Variants in INTS8 observed in about 807,000 individuals in gnomAD.
The protein encoded by INTS8 is protein kaonashi-1.
Under a neutral mutation model 138.9 loss-of-function variants are expected in INTS8, and 47 were observed. The ratio of observed to expected loss-of-function variants is 0.34; its 90% confidence interval spans 0.27 to 0.43. The LOEUF is 0.43. Among genes scored for constraint, INTS8 ranks in the 20% least tolerant of loss-of-function variants. The pLI is 1.00. For missense variants in INTS8, 996 were observed against 1,173.0 expected (o/e 0.85, Z 2.20); for synonymous variants, 392 against 400.9 (o/e 0.98, Z 0.27).
At chr8:94,828,855 A>G (rs1414961055) in intron 4 of INTS8, 120 bp from the exon 5 acceptor site, 10 of 671,748 alleles carry the variant, frequency 1.5e-5, no homozygotes, top group South Asian at 1.4e-4. Flanking sequence ...ATGAAAATGA[A>G]TAACATTAAA....
intron 10 of INTS8, among the ~76,000 whole-genome samples, chr8:94,843,822 A>T (rs1050430630): frequency 1.3e-5 from 2 of 152,160 alleles, no homozygotes; most frequent in African/African-American, 2.4e-5. Context: ...GCTTATAACC[A>T]CCAGCATGCC....
At chr8:94,843,746 G>A (rs561110665) in intron 10 of INTS8, among the ~76,000 whole-genome samples, 5 of 152,016 alleles carry the variant, frequency 3.3e-5, no homozygotes, top group Admixed American at 6.6e-5. Flanking sequence ...GTGTGCATAC[G>A]TACCAGTTTA....
chr8:94,842,638 G>A (rs77168881), intron 10 of INTS8, 150 bp downstream of exon 10: 28,174 of 569,768 alleles, frequency 0.049, 944 homozygotes, highest in Middle Eastern at 0.068. Context: ...ATGCCCTTCC[G>A]CCTGGTCTTC....
chr8:94,849,442 A>C lies in INTS8; in HGVS notation c.1261-20A>C, dbSNP rs1433883612. On this transcript the variant is annotated intron_variant, in intron 10 of 26. Transcript: ENST00000523731. Reference sequence around the variant, plus strand: ...TTTTATAAGTACCCATATTCAAATGAAAATTACTCAAATTCCTAGGTATGT... The same window carrying C: ...TTTTATAAGTACCCATATTCAAATGCAAATTACTCAAATTCCTAGGTATGT... 7.7e-7 allele frequency: 1 copy of C among 1,302,086 alleles called. No homozygotes were observed. The highest frequency in any genetic ancestry group is 1.5e-5 in the African/African-American group (1 of 66,212). The allele number at this position is 1,302,086 out of a possible 1,614,324, so 80.7% of individuals were successfully genotyped here.
In INTS8 at chr8:94,866,170, T is replaced by C. The variant is rs1239758921; in HGVS notation, c.2274T>C (p.Leu758=). Residue 758 remains leucine, a synonymous_variant, in exon 18 of 27, where the codon CTT becomes CTC. Transcript: ENST00000523731. ...TTTTGTTTTGTAGGAGTGAACTGCT[T>C]TCTTTTATCAAAAAATTACGAGTAA... is the stretch of plus-strand genomic sequence containing the variant. ...TLGIMYRSEL[L]SFIKKLREPL... 1.5e-6 allele frequency: 2 copies of C among 1,304,334 alleles called. No individual in the cohort carries two copies. Among genetic ancestry groups the C allele is most frequent in the South Asian group, 1.3e-5 (1 of 76,808 alleles). 80.8% of individuals were successfully genotyped at this position (1,304,334 alleles called of 1,614,324 possible).
intron 10 of INTS8, among the ~76,000 whole-genome samples, chr8:94,843,292 G>A (rs1289714397): frequency 1.3e-5 from 2 of 152,108 alleles, no homozygotes; most frequent in Admixed American, 1.3e-4. Context: ...TAGAGCCTGG[G>A]TGCAGTGGCT....
chr8:94,865,636 A>T lies in INTS8; in HGVS notation c.2207A>T (p.Asp736Val), dbSNP rs1563666758. Residue 736 changes from aspartate (D) to valine (V), a missense_variant, in exon 17 of 27, where the codon GAT becomes GTT. By Grantham distance (152) the Asp-to-Val change is radical. Transcript: ENST00000523731. ...TCCAGTCAGCACAAACGAGGAAATG[A>T]TGGCAGAGTTAGTTTAATAAAACAG... ...SVSSQHKRGN[D>V]GRVSLIKQRE... The T allele has an allele frequency of 6.2e-7, 1 of 1,614,146 alleles. No homozygotes were observed. The highest frequency in any genetic ancestry group is 1.1e-5 in the South Asian group (1 of 91,084).
At chr8:94,877,580 T>C (rs1369397645) in intron 26 of INTS8, among the ~76,000 whole-genome samples, 1 of 152,180 alleles carries the variant, frequency 6.6e-6, no homozygotes, top group African/African-American at 2.4e-5. Flanking sequence ...CTTACTTCCT[T>C]ACTAGCTCCT....
intron 9 of INTS8, 122 bp downstream of exon 9, chr8:94,841,713 T>A: frequency 1.6e-6 from 1 of 608,914 alleles, no homozygotes; most frequent in Non-Finnish European, 2.9e-6. Context: ...GTTGTTAATA[T>A]AAGGGAAATT....
chr8:94,828,832 TG>T, intron 4 of INTS8, 142 bp from the exon 5 acceptor site: 3 of 634,070 alleles, frequency 4.7e-6, no homozygotes, highest in Non-Finnish European at 5.5e-6. Flanking sequence ...TTGAGGGTTT[TG>T]TTTTTTCAAA....
chr8:94,828,357 TAATTA>T (rs1262373700), intron 4 of INTS8, among the ~76,000 whole-genome samples: 3 of 152,204 alleles, frequency 2.0e-5, no homozygotes, highest in Non-Finnish European at 4.4e-5. Flanking sequence ...TTTTTTCATT[TAATTA>T]AATTGTCTTG....
At chr8:94,830,222 A>T in intron 5 of INTS8, among the ~76,000 whole-genome samples, 1 of 152,208 alleles carries the variant, frequency 6.6e-6, no homozygotes, top group East Asian at 1.9e-4. Context: ...ATTGATCTAC[A>T]TAATGGAAAA....
At chr8:94,873,509 T>C in intron 22 of INTS8, 32 bp downstream of exon 22, 1 of 1,382,530 alleles carries the variant, frequency 7.2e-7, no homozygotes, top group Non-Finnish European at 1.0e-6. Context: ...GCTGGTTTCT[T>C]GCCTACCTGT....
intron 18 of INTS8, 58 bp downstream of exon 18, chr8:94,866,249 A>C (rs997257956): frequency 1.2e-6 from 1 of 863,554 alleles, no homozygotes; most frequent in Non-Finnish European, 1.9e-6. Flanking sequence ...GAATATGACT[A>C]AAAATTATTG....
chr8:94,841,181 G>C (rs190057929), intron 8 of INTS8, among the ~76,000 whole-genome samples: 1 of 152,244 alleles, frequency 6.6e-6, no homozygotes, highest in African/African-American at 2.4e-5. Context: ...AAAGTGCTCA[G>C]ATTACAAGCG....
chr8:94,847,502 T>G (rs1173562891), intron 10 of INTS8, among the ~76,000 whole-genome samples: 1 of 152,184 alleles, frequency 6.6e-6, no homozygotes, highest in African/African-American at 2.4e-5. Flanking sequence ...AATTTACCAG[T>G]AAAGTCTGGG....
chr8:94,835,216 A>G (rs1044781155), intron 6 of INTS8, among the ~76,000 whole-genome samples: 1 of 152,194 alleles, frequency 6.6e-6, no homozygotes, highest in Non-Finnish European at 1.5e-5. Flanking sequence ...TCTGAATTCA[A>G]ACTTTGGCTC....
At chr8:94,840,178 G>A (rs935289069) in intron 8 of INTS8, among the ~76,000 whole-genome samples, 1 of 152,220 alleles carries the variant, frequency 6.6e-6, no homozygotes, top group African/African-American at 2.4e-5. Flanking sequence ...GTTTAGTGCT[G>A]ATGAAGTAGG....
chr8:94,837,674 A>T (rs1315769322), intron 7 of INTS8, among the ~76,000 whole-genome samples: 1 of 151,836 alleles, frequency 6.6e-6, no homozygotes, highest in Non-Finnish European at 1.5e-5. Flanking sequence ...TAAAACCTTT[A>T]AGCTTGTTTT....
Sources: allele counts gnomAD v4.1 joint callset (sites outside exome capture counted in the v4.1 genomes callset), GRCh38; gene constraint gnomAD v4.1.1; transcripts MANE v1.5; gene names NCBI Gene and HGNC (gene_info 2026-07-23, HGNC 2026-07-21).